Variants in KITLG observed in about 807,000 individuals in gnomAD.
KITLG encodes KIT ligand, also known as c-Kit ligand.
A neutral mutation model predicts 34.1 loss-of-function variants in KITLG; 13 were observed. That is an observed-to-expected ratio of 0.38 (90% CI 0.25 to 0.61). The LOEUF (loss-of-function observed/expected upper bound fraction) is 0.61. Ranked by LOEUF, KITLG falls within the 20% of genes least tolerant of loss-of-function variation. The pLI is 0.60. For missense variants in KITLG, 292 were observed against 318.9 expected (o/e 0.92, Z 0.64); for synonymous variants, 110 against 104.0 (o/e 1.06, Z -0.35).
intron 2 of KITLG, among the ~76,000 whole-genome samples, chr12:88,543,274 C>A (rs1000805428): frequency 6.6e-6 from 1 of 152,084 alleles, no homozygotes; most frequent in African/African-American, 2.4e-5. Context: ...CCCCCACCCC[C>A]CAACAGGCCC....
At chr12:88,563,962 CA>C (rs528082425) in intron 1 of KITLG, among the ~76,000 whole-genome samples, 1 of 149,444 alleles carries the variant, frequency 6.7e-6, no homozygotes, top group African/African-American at 2.5e-5. Context: ...AACTCCATCT[CA>C]AAAAAAAAGA....
chr12:88,534,736 G>C (rs142264307), intron 2 of KITLG: 2 of 509,880 alleles, frequency 3.9e-6, no homozygotes, highest in Admixed American at 2.0e-5. Context: ...TATTTTTGGC[G>C]TTAACTCCCT....
At chr12:88,537,814 C>T (rs1181240158) in intron 2 of KITLG, among the ~76,000 whole-genome samples, 1 of 152,060 alleles carries the variant, frequency 6.6e-6, no homozygotes, top group Admixed American at 6.6e-5. Context: ...ATATATATCA[C>T]TGTGGAAAGT....
At chr12:88,506,688 A>G (rs987950348) in intron 7 of KITLG, among the ~76,000 whole-genome samples, 5 of 152,210 alleles carry the variant, frequency 3.3e-5, no homozygotes, top group Non-Finnish European at 7.4e-5. Context: ...AGGCTTCAAT[A>G]AGAAGAGAAC....
At chr12:88,523,889 C>T (rs1313041487) in intron 3 of KITLG, among the ~76,000 whole-genome samples, 3 of 152,026 alleles carry the variant, frequency 2.0e-5, no homozygotes, top group East Asian at 3.9e-4. Context: ...ATTAAAGTGC[C>T]GTAGAAATCT....
At chr12:88,556,144 G>A (rs1261682664) in intron 1 of KITLG, among the ~76,000 whole-genome samples, 5 of 151,024 alleles carry the variant, frequency 3.3e-5, no homozygotes, top group South Asian at 4.2e-4. Flanking sequence ...GCCCACAGAA[G>A]TGTGGAAACA....
chr12:88,505,921 T>G (rs535757125), intron 8 of KITLG, among the ~76,000 whole-genome samples: 21 of 152,242 alleles, frequency 1.4e-4, no homozygotes, highest in Admixed American at 3.9e-4. Context: ...CTGAAAGAAC[T>G]AAGCTTAGGA....
At chr12:88,540,271 T>C (rs990830707) in intron 2 of KITLG, among the ~76,000 whole-genome samples, 2 of 152,108 alleles carry the variant, frequency 1.3e-5, no homozygotes, top group Non-Finnish European at 2.9e-5. Context: ...GAAGGCATTA[T>C]AAATTATGAA....
rs565023822 is a variant in KITLG, at chr12:88,494,520, T to G, written c.*2699A>C. On this transcript the variant is annotated 3_prime_UTR_variant, in exon 10 of 10. Transcript: ENST00000644744. The stretch of plus-strand genomic sequence containing the variant: ...TTTTAAGAGAATAGGCTACTTGTTC[T>G]ATTATTGTATTGAAGAAAAATTAAT... 2 of 152,600 alleles carry G rather than the reference T, an allele frequency of 1.3e-5. No homozygotes were observed. Among genetic ancestry groups the G allele is most frequent in the Non-Finnish European group, 2.9e-5 (2 of 67,926 alleles). The allele number at this position is 152,600 out of a possible 1,614,324, so 9.5% of individuals were successfully genotyped here. A position where few individuals can be genotyped will look rare whatever the true frequency, so the allele number is the denominator to read the frequency against.
intron 1 of KITLG, among the ~76,000 whole-genome samples, chr12:88,558,433 G>A (rs1286750991): frequency 1.3e-5 from 2 of 152,028 alleles, no homozygotes; most frequent in African/African-American, 4.8e-5. Context: ...CTAGAGACAT[G>A]AGCTCAAAGA....
At chr12:88,499,510 T>C (rs1868773532) in intron 9 of KITLG, among the ~76,000 whole-genome samples, 1 of 152,210 alleles carries the variant, frequency 6.6e-6, no homozygotes, top group South Asian at 2.1e-4. Context: ...AAGCAATTTC[T>C]CTTTCAAGGT....
chr12:88,527,204 T>A (rs1869906424), intron 3 of KITLG, among the ~76,000 whole-genome samples: 1 of 152,124 alleles, frequency 6.6e-6, no homozygotes, highest in Non-Finnish European at 1.5e-5. Flanking sequence ...TTGAAGCAGC[T>A]CCTTTTCCTG....
chr12:88,539,966 CG>C (rs1447823095), intron 2 of KITLG, among the ~76,000 whole-genome samples: 2 of 152,024 alleles, frequency 1.3e-5, no homozygotes, highest in Admixed American at 1.3e-4. Context: ...TCAAGGTCAT[CG>C]TTCCTCAGTA....
chr12:88,520,169 C>G (rs983665531), intron 3 of KITLG, among the ~76,000 whole-genome samples: 1 of 152,128 alleles, frequency 6.6e-6, no homozygotes, highest in Non-Finnish European at 1.5e-5. Flanking sequence ...CTCGTCATAA[C>G]CAAGTTCTCA....
intron 9 of KITLG, among the ~76,000 whole-genome samples, chr12:88,500,473 T>C (rs1467219377): frequency 6.6e-6 from 1 of 152,196 alleles, no homozygotes; most frequent in Non-Finnish European, 1.5e-5. Flanking sequence ...TATAAACAAT[T>C]TGAGGACACA....
chr12:88,527,801 T>C (rs1869933657), intron 3 of KITLG, among the ~76,000 whole-genome samples: 1 of 152,338 alleles, frequency 6.6e-6, no homozygotes, highest in African/African-American at 2.4e-5. Context: ...TTTCGTAGCA[T>C]TGTCACTTGA....
chr12:88,564,415 C>T (rs192841694), intron 1 of KITLG: 1 of 152,042 alleles, frequency 6.6e-6, no homozygotes, highest in Non-Finnish European at 1.5e-5. Context: ...ATTTTCTCAC[C>T]ATATGGGAGA....
At chr12:88,512,417 T>C (rs1328385342) in intron 6 of KITLG, among the ~76,000 whole-genome samples, 1 of 152,050 alleles carries the variant, frequency 6.6e-6, no homozygotes, top group African/African-American at 2.4e-5. Flanking sequence ...ACTAGCAATC[T>C]GCTAACATAT....
chr12:88,548,609 A>T (rs886849541), intron 1 of KITLG, among the ~76,000 whole-genome samples: 9 of 152,122 alleles, frequency 5.9e-5, no homozygotes, highest in Non-Finnish European at 1.2e-4. Context: ...TTCTGCTTAT[A>T]CCTTGCTAGC....
Sources: allele counts gnomAD v4.1 joint callset (sites outside exome capture counted in the v4.1 genomes callset), GRCh38; gene constraint gnomAD v4.1.1; transcripts MANE v1.5; gene names NCBI Gene and HGNC (gene_info 2026-07-23, HGNC 2026-07-21).